TRIM44: variants seen among roughly 807,000 people sequenced by gnomAD.
The protein encoded by TRIM44 is tripartite motif containing 44, also known as tripartite motif-containing protein 44.
Under a neutral mutation model 37.4 loss-of-function variants are expected in TRIM44, and 13 were observed. The observed-to-expected ratio is 0.35, with a 90% CI of 0.23 to 0.55. The LOEUF (loss-of-function observed/expected upper bound fraction) is 0.55. Ranked by LOEUF, TRIM44 falls within the 20% of genes least tolerant of loss-of-function variation. TRIM44 has a pLI of 0.89. For synonymous variants in TRIM44, 175 were observed against 157.2 expected (o/e 1.11, Z -0.85); for missense variants, 426 against 437.2 (o/e 0.97, Z 0.23).
intron 2 of TRIM44, among the ~76,000 whole-genome samples, chr11:35,722,373 T>C (rs1424812840): frequency 2.6e-5 from 4 of 152,170 alleles, no homozygotes; most frequent in Non-Finnish European, 5.9e-5. Context: ...TGGATCTTGC[T>C]CACGAAAGAA....
intron 4 of TRIM44, among the ~76,000 whole-genome samples, chr11:35,794,141 C>CA (rs1455534046): frequency 6.6e-6 from 1 of 152,156 alleles, no homozygotes; most frequent in East Asian, 1.9e-4. Context: ...ATAACTAACC[C>CA]AGCTCTCCCA....
At chr11:35,711,129 A>G (rs1851965648) in intron 2 of TRIM44, among the ~76,000 whole-genome samples, 1 of 152,220 alleles carries the variant, frequency 6.6e-6, no homozygotes, top group Non-Finnish European at 1.5e-5. Context: ...TGATAGTTGC[A>G]CAACTCTGGG....
At chr11:35,756,215 C>A (rs940578339) in intron 4 of TRIM44, among the ~76,000 whole-genome samples, 2 of 152,038 alleles carry the variant, frequency 1.3e-5, no homozygotes, top group African/African-American at 4.8e-5. Context: ...TGAAGAGGTC[C>A]TTCACATCCC....
At chr11:35,674,920 G>A (rs922371016) in intron 1 of TRIM44, among the ~76,000 whole-genome samples, 7 of 152,198 alleles carry the variant, frequency 4.6e-5, no homozygotes, top group African/African-American at 1.7e-4. Context: ...GATTCTTAGA[G>A]GAAGGAGTCT....
intron 1 of TRIM44, among the ~76,000 whole-genome samples, chr11:35,684,157 A>G (rs1223704713): frequency 1.3e-5 from 2 of 152,216 alleles, no homozygotes; most frequent in East Asian, 1.9e-4. Flanking sequence ...GTACTGACCA[A>G]TATAGTAGTC....
At chr11:35,705,552 A>T (rs1358350445) in intron 2 of TRIM44, among the ~76,000 whole-genome samples, 2 of 152,134 alleles carry the variant, frequency 1.3e-5, no homozygotes, top group African/African-American at 4.8e-5. Context: ...CAGAAATTAT[A>T]GCAAACTGTC....
intron 2 of TRIM44, among the ~76,000 whole-genome samples, chr11:35,712,116 G>C (rs143434894): frequency 6.6e-6 from 1 of 152,278 alleles, no homozygotes; most frequent in Admixed American, 6.5e-5. Flanking sequence ...TTGCCTGGCT[G>C]CAGAGTAACT....
rs1852578187 is a variant in TRIM44 at position 35,753,049 on chromosome 11, C to G, written c.1007+17604C>G. Among the ~76,000 whole-genome samples, 4 of 152,172 alleles carry G rather than the reference C, an allele frequency of 2.6e-5. 1 individual carries two copies. The South Asian group carries it at 8.3e-4, about 32-fold the overall frequency. On this transcript the variant is annotated intron_variant, in intron 4 of 4. Transcript: ENST00000299413. The stretch of plus-strand genomic sequence containing the variant: ...CAAATCGCTTTGCAAACCCTGTTTT[C>G]TAAGTGCAGAAAACCCTGGTTTGGA...
At chr11:35,756,463 T>G (rs1342465252) in intron 4 of TRIM44, among the ~76,000 whole-genome samples, 1 of 152,230 alleles carries the variant, frequency 6.6e-6, no homozygotes, top group Non-Finnish European at 1.5e-5. Flanking sequence ...AGGGACAATT[T>G]GACTTCCTCT....
chr11:35,673,330 G>A (rs748671416), intron 1 of TRIM44, among the ~76,000 whole-genome samples: 32 of 152,138 alleles, frequency 2.1e-4, no homozygotes, highest in Non-Finnish European at 4.0e-4. Context: ...GTTACCATTC[G>A]ATGCTACTGT....
At chr11:35,699,959 G>C (rs1041265001) in intron 2 of TRIM44, among the ~76,000 whole-genome samples, 2 of 152,018 alleles carry the variant, frequency 1.3e-5, no homozygotes, top group Non-Finnish European at 2.9e-5. Context: ...AGGATACAAA[G>C]AAATGGAAGA....
At chr11:35,704,600 C>T (rs1447849840) in intron 2 of TRIM44, among the ~76,000 whole-genome samples, 6 of 152,104 alleles carry the variant, frequency 3.9e-5, no homozygotes, top group Non-Finnish European at 8.8e-5. Flanking sequence ...GAGTGGGGGC[C>T]AATATTCAAC....
intron 1 of TRIM44, among the ~76,000 whole-genome samples, chr11:35,682,999 G>C (rs1019179546): frequency 2.6e-5 from 4 of 152,192 alleles, no homozygotes; most frequent in Non-Finnish European, 5.9e-5. Flanking sequence ...TGTGGGGGAA[G>C]AGAGCTTTCC....
intron 2 of TRIM44, among the ~76,000 whole-genome samples, chr11:35,716,721 G>A (rs867303136): frequency 9.2e-5 from 14 of 152,128 alleles, no homozygotes; most frequent in Admixed American, 1.3e-4. Flanking sequence ...AAATCATGGC[G>A]TCATTAAGGG....
At chr11:35,703,675 A>T (rs960986483) in intron 2 of TRIM44, among the ~76,000 whole-genome samples, 1 of 152,190 alleles carries the variant, frequency 6.6e-6, no homozygotes, top group African/African-American at 2.4e-5. Flanking sequence ...CCTCTAGCAA[A>T]CTCCAACAGA....
At chr11:35,796,280 T>C (rs747416225) in intron 4 of TRIM44, among the ~76,000 whole-genome samples, 4 of 152,236 alleles carry the variant, frequency 2.6e-5, no homozygotes, top group Non-Finnish European at 5.9e-5. Context: ...CACACACACT[T>C]GTGCATGCAC....
intron 2 of TRIM44, among the ~76,000 whole-genome samples, chr11:35,695,440 T>C (rs772485373): frequency 4.0e-4 from 61 of 152,184 alleles, no homozygotes; most frequent in Admixed American, 1.0e-3. Context: ...ATTTTCTTGA[T>C]ATTTAATTAA....
At chr11:35,683,885 A>ATTTTTT (rs1851545982) in intron 1 of TRIM44, among the ~76,000 whole-genome samples, 1 of 151,972 alleles carries the variant, frequency 6.6e-6, no homozygotes, top group South Asian at 2.1e-4. Context: ...CCCTTAAGGA[A>ATTTTTT]CTGAAAATAT....
chr11:35,784,935 C>T (rs1590599288), intron 4 of TRIM44, among the ~76,000 whole-genome samples: 1 of 152,270 alleles, frequency 6.6e-6, no homozygotes, highest in East Asian at 1.9e-4. Flanking sequence ...TATGTCAATA[C>T]CTGAAAGACA....
Sources: gnomAD v4.1 joint callset for allele counts (sites outside exome capture counted in the v4.1 genomes callset) on GRCh38, gnomAD v4.1.1 for gene constraint, MANE v1.5 for transcripts, NCBI Gene and HGNC (gene_info 2026-07-23, HGNC 2026-07-21) for gene names.